The following ARHGEF7 variants were observed in gnomAD, a reference collection of about 807,000 sequenced individuals.
ARHGEF7 encodes the protein PAK-interacting exchange factor beta.
In ARHGEF7, 33 loss-of-function variants were observed where a neutral mutation model predicts 109.8. The observed-to-expected ratio is 0.30, with a 90% confidence interval of 0.23 to 0.40. ARHGEF7 has a LOEUF of 0.40. Ranked by LOEUF, ARHGEF7 falls within the 10% of genes least tolerant of loss-of-function variation. The probability of loss-of-function intolerance (pLI) is 1.00; values close to 1 mark genes in which losing one functional copy is unlikely to be tolerated. For synonymous variants in ARHGEF7, 458 were observed against 424.6 expected, an observed-to-expected ratio of 1.08 and a Z score of -0.97; for missense variants, 938 against 1,098.5, an observed-to-expected ratio of 0.85 and a Z score of 2.07.
intron 1 of ARHGEF7, among the ~76,000 whole-genome samples, chr13:111,120,482 CACAG>C (rs1026864745): frequency 6.6e-6 from 1 of 151,682 alleles, no homozygotes; most frequent in Non-Finnish European, 1.5e-5. Context: ...TACACACACA[CACAG>C]ACACATGCGT....
chr13:111,237,973 G>A (rs963167921), intron 6 of ARHGEF7, among the ~76,000 whole-genome samples: 8 of 152,210 alleles, frequency 5.3e-5, no homozygotes, highest in African/African-American at 1.9e-4. Flanking sequence ...TCTGAGGCTA[G>A]GGAGGAAGCC....
At position 111,292,490 on chromosome 13, in the gene ARHGEF7, G is replaced by A. The variant is rs1442053116; in HGVS notation, c.2311+196G>A. ...TGTACTTTGTGGAGGCTTAACTGCC[G>A]ATGCGAGTATACATTCGAATGACTG... is the stretch of plus-strand genomic sequence containing the variant. On this transcript the variant is annotated intron_variant, in intron 19 of 21. Transcript: ENST00000646102. The A allele has an allele frequency of 1.1e-5, 16 of 1,434,584 alleles. No homozygotes were observed. The East Asian group carries it at 3.3e-4, about 29-fold the overall frequency. 88.9% of individuals were successfully genotyped at this position (1,434,584 alleles called of 1,614,324 possible). A position where few individuals can be genotyped will look rare whatever the true frequency, so the allele number is the denominator to read the frequency against.
chr13:111,210,978 A>G (rs879648822), intron 4 of ARHGEF7, among the ~76,000 whole-genome samples: 1 of 152,172 alleles, frequency 6.6e-6, no homozygotes, highest in Non-Finnish European at 1.5e-5. Flanking sequence ...ACAGTGGTTT[A>G]TGAAGCATGT....
At chr13:111,282,644 G>A (rs2092831297) in intron 15 of ARHGEF7, among the ~76,000 whole-genome samples, 1 of 152,208 alleles carries the variant, frequency 6.6e-6, no homozygotes, top group Non-Finnish European at 1.5e-5. Context: ...GCCTGCCTGT[G>A]TGCCAGGAAA....
At chr13:111,280,376 C>G in intron 14 of ARHGEF7, 26 bp downstream of exon 14, 2 of 1,604,706 alleles carry the variant, frequency 1.2e-6, no homozygotes, top group Non-Finnish European at 1.7e-6. Flanking sequence ...TGTGTGAGTG[C>G]TGTGTCTCGG....
chr13:111,159,470 C>A (rs1342314730), intron 2 of ARHGEF7, among the ~76,000 whole-genome samples: 1 of 152,190 alleles, frequency 6.6e-6, no homozygotes, highest in African/African-American at 2.4e-5. Flanking sequence ...TACTGTTTCC[C>A]AGAATGGCTT....
At chr13:111,285,490 G>A (rs966597188) in intron 16 of ARHGEF7, among the ~76,000 whole-genome samples, 2 of 152,010 alleles carry the variant, frequency 1.3e-5, no homozygotes, top group Non-Finnish European at 1.5e-5. Context: ...GTTTTTTGCC[G>A]TCGTCTTCTG....
rs551731297 is a variant in ARHGEF7, at chr13:111,142,604, A to G, written c.166-11301A>G. On this transcript the variant is annotated intron_variant, in intron 1 of 21. Coordinates refer to ENST00000646102, the MANE Select transcript of ARHGEF7 (RefSeq NM_001354046.2). Reference sequence around the variant, plus strand: ...ATGCAAGAGGCTTTTATAGCCCACAAGTGTCCTTGGCCAATGCTTCCTGCC... The same window carrying G: ...ATGCAAGAGGCTTTTATAGCCCACAGGTGTCCTTGGCCAATGCTTCCTGCC... Among the ~76,000 whole-genome samples the G allele has an allele frequency of 4.6e-5, 7 of 152,334 alleles. No individual in the cohort carries two copies. The East Asian group carries it at 1.4e-3, about 29-fold the overall frequency.
chr13:111,299,066 G>A (rs1214548007), intron 19 of ARHGEF7, among the ~76,000 whole-genome samples: 1 of 152,196 alleles, frequency 6.6e-6, no homozygotes, highest in Non-Finnish European at 1.5e-5. Flanking sequence ...GAGGATGAAG[G>A]AGCAGTGTCT....
chr13:111,184,517 C>T (rs563202607), intron 2 of ARHGEF7, among the ~76,000 whole-genome samples: 5 of 152,272 alleles, frequency 3.3e-5, no homozygotes, highest in Admixed American at 1.3e-4. Flanking sequence ...CCAGAGAACC[C>T]GCTGGCATGG....
intron 21 of ARHGEF7, 150 bp from the exon 22 acceptor site, chr13:111,302,841 C>T (rs568954872): frequency 1.0e-6 from 1 of 954,946 alleles, no homozygotes; most frequent in African/African-American, 1.6e-5. Flanking sequence ...GTTTGACCTT[C>T]GTGGATCCCC....
Position 111,272,917 on chromosome 13 carries a change from C to T in ARHGEF7, c.1074-897C>T, listed in dbSNP as rs1188673275. 6.6e-6 allele frequency among the ~76,000 whole-genome samples: 1 copy of T among 152,158 alleles called. No homozygotes were observed. The highest frequency in any genetic ancestry group is 1.5e-5 in the Non-Finnish European group (1 of 68,036). The stretch of plus-strand genomic sequence containing the variant: ...AGCTGGACCCCCCACAGAAGCCTGC[C>T]CGTGTCCTCTGCCACAGCCATGGGA... On this transcript the variant is annotated intron_variant, in intron 9 of 21. Transcript: ENST00000646102. The surrounding 1 kb of genome is among the most constrained non-coding windows in gnomAD (Gnocchi z 5.2).
At chr13:111,218,000 A>G (rs2083340894) in intron 5 of ARHGEF7, 120 bp downstream of exon 5, 3 of 1,048,988 alleles carry the variant, frequency 2.9e-6, no homozygotes, top group East Asian at 2.6e-5. Flanking sequence ...CTTAGGATAC[A>G]GTTTTTTGTT....
At chr13:111,243,297 C>T (rs868642005) in intron 6 of ARHGEF7, among the ~76,000 whole-genome samples, 2 of 152,130 alleles carry the variant, frequency 1.3e-5, no homozygotes, top group Non-Finnish European at 2.9e-5. Flanking sequence ...GTCCAGTGAG[C>T]TTTTACAATG....
rs202008405 is a variant in ARHGEF7, at chr13:111,221,044, G to GAT, written c.670+3175_670+3176dup. The stretch of plus-strand genomic sequence containing the variant: ...ACATGTTATATATATATAAAGGGGA[G>GAT]ATATATATATATCTACATATACATA... On this transcript the variant is annotated intron_variant, in intron 5 of 21. Coordinates refer to ENST00000646102, the MANE Select transcript of ARHGEF7 (RefSeq NM_001354046.2). Among the ~76,000 whole-genome samples the GAT allele has an allele frequency of 9.1e-4, 133 of 145,692 alleles. 2 individuals carry two copies. The East Asian group carries it at 0.015, about 16-fold the overall frequency.
rs150373172 is a variant in ARHGEF7, at chr13:111,142,066, T to A, written c.166-11839T>A. On this transcript the variant is annotated intron_variant, in intron 1 of 21. Coordinates refer to ENST00000646102, the MANE Select transcript of ARHGEF7 (RefSeq NM_001354046.2). Reference sequence around the variant, plus strand: ...CTCCTTGTTTTAATTTACATTTCTTTTATAATATATGATGTTGGATATCTT... The same window carrying A: ...CTCCTTGTTTTAATTTACATTTCTTATATAATATATGATGTTGGATATCTT... Among the ~76,000 whole-genome samples the A allele has an allele frequency of 6.9e-3, 1,056 of 152,358 alleles. 9 individuals carry two copies. Among genetic ancestry groups the A allele is most frequent in the Admixed American group, 7.5e-3 (114 of 15,298 alleles).
chr13:111,247,178 A>G (rs2089008671), intron 8 of ARHGEF7, among the ~76,000 whole-genome samples: 1 of 152,032 alleles, frequency 6.6e-6, no homozygotes, highest in South Asian at 2.1e-4. Context: ...TTCCATTTTA[A>G]GACTTACTTT....
rs1352482922 is a variant in ARHGEF7, at chr13:111,275,515, T to TGG, written c.1273-16_1273-15insGG. On this transcript the variant is annotated splice_polypyrimidine_tract_variant and intron_variant, in intron 11 of 21. Coordinates refer to ENST00000646102, the MANE Select transcript of ARHGEF7 (RefSeq NM_001354046.2). ...GAAAGTTTATGTCTGTTAACAGTGT[T>TGG]GTTCTGTGTCTGTCAGGCCCAATGT... is the stretch of plus-strand genomic sequence containing the variant. The TGG allele has an allele frequency of 6.2e-7, 1 of 1,613,278 alleles. No homozygotes were observed. The highest frequency in any genetic ancestry group is 1.3e-5 in the African/African-American group (1 of 74,910).
intron 1 of ARHGEF7, among the ~76,000 whole-genome samples, chr13:111,149,151 T>C (rs2075763756): frequency 6.6e-6 from 1 of 151,946 alleles, no homozygotes; most frequent in Non-Finnish European, 1.5e-5. Context: ...GGCTCACGCC[T>C]GTAATCCCAG....
Sources: allele counts gnomAD v4.1 joint callset (sites outside exome capture counted in the v4.1 genomes callset), GRCh38; gene constraint gnomAD v4.1.1; non-coding constraint Gnocchi (gnomAD v3.1); transcripts MANE v1.5; gene names NCBI Gene and HGNC (gene_info 2026-07-23, HGNC 2026-07-21).